PANK3: variants seen among roughly 807,000 people sequenced by gnomAD.
The protein encoded by PANK3 is hPanK3.
Under a neutral mutation model 39.4 loss-of-function variants are expected in PANK3, and 20 were observed. That is an observed-to-expected ratio of 0.51 (90% confidence interval 0.36 to 0.74). The LOEUF is 0.74. Ranked by LOEUF, PANK3 falls within the 30% of genes least tolerant of loss-of-function variation. The pLI is 0.00. For missense variants in PANK3, 265 were observed against 437.0 expected (o/e 0.61, Z 3.51); for synonymous variants, 140 against 157.3 (o/e 0.89, Z 0.82).
chr5:168,568,570 G>A, intron 2 of PANK3, 76 bp downstream of exon 2: 1 of 1,114,994 alleles, frequency 9.0e-7, no homozygotes, highest in Non-Finnish European at 1.3e-6. Flanking sequence ...GAGAATTAAG[G>A]AACATGCTAG....
At chr5:168,571,605 T>A (rs764760029) in intron 1 of PANK3, among the ~76,000 whole-genome samples, 2 of 152,216 alleles carry the variant, frequency 1.3e-5, no homozygotes, top group Non-Finnish European at 2.9e-5. Context: ...TATTTAACAG[T>A]TTTTATGTAA....
At chr5:168,576,907 T>C (rs1462831933) in intron 1 of PANK3, among the ~76,000 whole-genome samples, 1 of 151,812 alleles carries the variant, frequency 6.6e-6, no homozygotes, top group Admixed American at 6.6e-5. Context: ...TGAGACGGAG[T>C]GTTGCTCTGT....
chr5:168,559,264 A>G, intron 5 of PANK3, 107 bp from the exon 6 acceptor site: 1 of 734,522 alleles, frequency 1.4e-6, no homozygotes, highest in Non-Finnish European at 2.0e-6. Context: ...AAAAAACACA[A>G]CTACGCTTTA....
rs1264673166 is a variant in PANK3 at position 168,555,003 on chromosome 5, T to C, written c.*2568A>G. The C allele has an allele frequency of 6.6e-6, 1 of 152,226 alleles. No individual in the cohort carries two copies. The highest frequency in any genetic ancestry group is 1.5e-5 in the Non-Finnish European group (1 of 68,032). The allele number at this position is 152,226 out of a possible 1,614,324, so 9.4% of individuals were successfully genotyped here. On this transcript the variant is annotated 3_prime_UTR_variant, in exon 7 of 7. Coordinates refer to ENST00000239231, the MANE Select transcript of PANK3 (RefSeq NM_024594.4). Reference sequence around the variant, plus strand: ...CTGTGGCTCTTTAGCTTTTCCCATATGTAATCTAGAGGTACTGGAATAATA... The same window carrying C: ...CTGTGGCTCTTTAGCTTTTCCCATACGTAATCTAGAGGTACTGGAATAATA...
Position 168,568,967 on chromosome 5 carries a change from T to TC in PANK3, c.59dup (p.Thr21AsnfsTer9). 2 of 1,544,916 alleles carry TC rather than the reference T, an allele frequency of 1.3e-6. No individual in the cohort carries two copies. The highest frequency in any genetic ancestry group is 1.8e-6 in the Non-Finnish European group (2 of 1,140,690). On this transcript the variant is annotated frameshift_variant, in exon 2 of 7. Transcript: ENST00000239231. LOFTEE classifies it high-confidence loss of function. ...CAAAGTACGAGAGCTTTACTAGAGT[T>TC]CCCCCAATGTCCATGCCAAACCATG...
intron 2 of PANK3, among the ~76,000 whole-genome samples, chr5:168,567,115 TCTTA>T (rs750641515): frequency 7.2e-5 from 11 of 152,210 alleles, no homozygotes; most frequent in Non-Finnish European, 1.2e-4. Flanking sequence ...AAATTGTACT[TCTTA>T]CTGTTTGGAA....
intron 1 of PANK3, among the ~76,000 whole-genome samples, chr5:168,573,843 G>A (rs1582468620): frequency 6.6e-6 from 1 of 152,056 alleles, no homozygotes; most frequent in East Asian, 1.9e-4. Flanking sequence ...CAAAGGACAT[G>A]AACTCATCCT....
chr5:168,575,605 G>T (rs1185534179), intron 1 of PANK3, among the ~76,000 whole-genome samples: 1 of 152,074 alleles, frequency 6.6e-6, no homozygotes, highest in African/African-American at 2.4e-5. Flanking sequence ...GGGCAACATG[G>T]CAAAACCCCA....
rs1460098 is a variant in PANK3 at position 168,549,664 on chromosome 5, A to G, written c.*7907T>C. On this transcript the variant is annotated 3_prime_UTR_variant, in exon 7 of 7. Coordinates refer to ENST00000239231, the MANE Select transcript of PANK3 (RefSeq NM_024594.4). Reference sequence around the variant, plus strand: ...GTTGCAGCAAAAACGCCGAAATTCTATAAGAAAAAAACTGATTTACCCCAA... The same window carrying G: ...GTTGCAGCAAAAACGCCGAAATTCTGTAAGAAAAAAACTGATTTACCCCAA... 0.14 allele frequency: 20,749 copies of G among 152,196 alleles called. 1,830 individuals are homozygous for G. The highest frequency in any genetic ancestry group is 0.19 in the Non-Finnish European group (12,987 of 67,998). The allele number at this position is 152,196 out of a possible 1,614,324, so 9.4% of individuals were successfully genotyped here.
intron 4 of PANK3, among the ~76,000 whole-genome samples, chr5:168,562,987 T>C (rs939160697): frequency 4.0e-5 from 6 of 151,734 alleles, no homozygotes; most frequent in African/African-American, 1.5e-4. Context: ...GAAATAAAGA[T>C]GGATTATTAG....
chr5:168,558,695 G>A (rs1759392901), intron 6 of PANK3, among the ~76,000 whole-genome samples: 1 of 152,220 alleles, frequency 6.6e-6, no homozygotes, highest in Non-Finnish European at 1.5e-5. Flanking sequence ...TGAAACTGAA[G>A]CGAAGGAACC....
At chr5:168,558,418 C>T (rs1226298172) in intron 6 of PANK3, among the ~76,000 whole-genome samples, 3 of 152,124 alleles carry the variant, frequency 2.0e-5, no homozygotes, top group Admixed American at 6.5e-5. Flanking sequence ...TCCGCCTTGG[C>T]CTCCCAAAGT....
intron 5 of PANK3, among the ~76,000 whole-genome samples, chr5:168,559,780 A>G (rs1759414459): frequency 6.6e-6 from 1 of 152,192 alleles, no homozygotes; most frequent in Non-Finnish European, 1.5e-5. Flanking sequence ...ATTGCAATGC[A>G]TGTTGAACAA....
At position 168,551,374 on chromosome 5, in the gene PANK3, CAGTTA is replaced by C. The variant is rs1328605181; in HGVS notation, c.*6192_*6196del. 1.3e-5 allele frequency: 2 copies of C among 152,130 alleles called. No homozygotes were observed. The highest frequency in any genetic ancestry group is 6.5e-5 in the Admixed American group (1 of 15,272). The allele number at this position is 152,130 out of a possible 1,614,324, so 9.4% of individuals were successfully genotyped here. The stretch of plus-strand genomic sequence containing the variant: ...TGTTTTGTTCACACCCACCACAAAA[CAGTTA>C]AGTTAAATTCAAAATAATGTACACT... On this transcript the variant is annotated 3_prime_UTR_variant, in exon 7 of 7. Coordinates refer to ENST00000239231, the MANE Select transcript of PANK3 (RefSeq NM_024594.4).
Position 168,553,014 on chromosome 5 carries a change from T to C in PANK3, c.*4557A>G, listed in dbSNP as rs370869526. 3.2e-4 allele frequency: 99 copies of C among 306,756 alleles called. No individual in the cohort carries two copies. The highest frequency in any genetic ancestry group is 1.9e-3 in the African/African-American group (89 of 45,980). 19.0% of individuals were successfully genotyped at this position (306,756 alleles called of 1,614,324 possible). A position where few individuals can be genotyped will look rare whatever the true frequency, so the allele number is the denominator to read the frequency against. ...TCCTAGCACTCTTATCTCCTAGATG[T>C]CCTGGGACACATCCTGAGTCCCCTA... On this transcript the variant is annotated 3_prime_UTR_variant, in exon 7 of 7. Coordinates refer to ENST00000239231, the MANE Select transcript of PANK3 (RefSeq NM_024594.4).
intron 1 of PANK3, among the ~76,000 whole-genome samples, chr5:168,576,243 T>C (rs906883273): frequency 6.6e-6 from 1 of 152,202 alleles, no homozygotes; most frequent in African/African-American, 2.4e-5. Flanking sequence ...TACAAATATA[T>C]GCTATACCAT....
At chr5:168,558,084 A>G (rs1424814988) in intron 6 of PANK3, among the ~76,000 whole-genome samples, 1 of 151,242 alleles carries the variant, frequency 6.6e-6, no homozygotes, top group Non-Finnish European at 1.5e-5. Flanking sequence ...ACTGCATGCC[A>G]TGTGGAATTG....
At chr5:168,563,768 G>T in intron 4 of PANK3, 121 bp downstream of exon 4, 1 of 791,972 alleles carries the variant, frequency 1.3e-6, no homozygotes, top group Non-Finnish European at 1.8e-6. Flanking sequence ...TTCAAAACTT[G>T]GAACCTAAAC....
intron 1 of PANK3, among the ~76,000 whole-genome samples, chr5:168,575,041 G>GA (rs919636606): frequency 2.0e-5 from 3 of 150,484 alleles, no homozygotes; most frequent in Non-Finnish European, 3.0e-5. Context: ...TTGCTAAGGT[G>GA]AAAAAAAAGA....
Sources: allele counts gnomAD v4.1 joint callset (sites outside exome capture counted in the v4.1 genomes callset), GRCh38; gene constraint gnomAD v4.1.1; transcripts MANE v1.5; gene names NCBI Gene and HGNC (gene_info 2026-07-23, HGNC 2026-07-21).